GADL1: variants seen among roughly 807,000 people sequenced by gnomAD.
The protein encoded by GADL1 is acidic amino acid decarboxylase GADL1.
A neutral mutation model predicts 69.5 loss-of-function variants in GADL1; 71 were observed. The observed-to-expected ratio is 1.02, with a 90% CI of 0.84 to 1.25. The LOEUF is 1.25. Ranked by LOEUF, GADL1 falls within the 50% of genes most tolerant of loss-of-function variation. GADL1 has a pLI of 0.00. For synonymous variants in GADL1, 254 were observed against 214.4 expected (o/e 1.18, Z -1.62); for missense variants, 737 against 631.8 (o/e 1.17, Z -1.79).
chr3:30,802,703 C>T (rs566473286), intron 11 of GADL1, among the ~76,000 whole-genome samples: 1 of 152,008 alleles, frequency 6.6e-6, no homozygotes, highest in South Asian at 2.1e-4. Flanking sequence ...TAAATATATT[C>T]TATTACAAAA....
intron 14 of GADL1, among the ~76,000 whole-genome samples, chr3:30,754,907 T>C (rs1446269814): frequency 6.7e-6 from 1 of 149,942 alleles, no homozygotes; most frequent in Non-Finnish European, 1.5e-5. Flanking sequence ...TTTTAAATTA[T>C]TCAGTAACTT....
chr3:30,812,530 C>T (rs1697377550), intron 11 of GADL1, among the ~76,000 whole-genome samples: 1 of 152,118 alleles, frequency 6.6e-6, no homozygotes, highest in East Asian at 1.9e-4. Flanking sequence ...ATAAGAATAG[C>T]ATGGGAAAGA....
intron 1 of GADL1, among the ~76,000 whole-genome samples, chr3:30,890,393 T>C (rs1254300765): frequency 2.6e-5 from 4 of 152,092 alleles, no homozygotes; most frequent in African/African-American, 9.7e-5. Flanking sequence ...GAAATAGATA[T>C]ATAGAATTAC....
rs767147995 is a variant in GADL1 at position 30,786,357 on chromosome 3, C to A, written c.1300G>T (p.Glu434Ter). The change falls in exon 13 of 15, where the codon GAA (glutamate) becomes TAA (stop). Residue 434 changes from glutamate to a stop codon, truncating the protein, a stop_gained and splice_region_variant. Transcript: ENST00000282538. LOFTEE classifies it high-confidence loss of function. ...AGCACAATTATGCAATCACTTACTTCCATCAGTAACTTGAATCCTTCTCTT... is the reference window on the plus strand; with the variant it reads ...AGCACAATTATGCAATCACTTACTTACATCAGTAACTTGAATCCTTCTCTT... ...KKREGFKLLM[E>*]PEYANICFWY... 1 of 1,553,504 alleles carries A rather than the reference C, an allele frequency of 6.4e-7. No homozygotes were observed. Among genetic ancestry groups the A allele is most frequent in the South Asian group, 1.1e-5 (1 of 89,604 alleles).
chr3:30,894,534 A>AGG, intron 1 of GADL1, 44 bp downstream of exon 1: 1 of 1,503,632 alleles, frequency 6.7e-7, no homozygotes, highest in East Asian at 2.5e-5. Flanking sequence ...AAACCCAGAC[A>AGG]GGGGAGGTTA....
intron 2 of GADL1, among the ~76,000 whole-genome samples, chr3:30,859,606 C>T (rs1045704002): frequency 6.6e-6 from 1 of 151,922 alleles, no homozygotes; most frequent in Non-Finnish European, 1.5e-5. Context: ...ATAGTTATGA[C>T]TTCTGAAACT....
intron 14 of GADL1, among the ~76,000 whole-genome samples, chr3:30,759,127 C>CTTA (rs1373605284): frequency 1.4e-3 from 209 of 152,228 alleles, no homozygotes; most frequent in Non-Finnish European, 7.6e-4. Context: ...GCTGGCATCT[C>CTTA]GTAAGGCAAA....
intron 14 of GADL1, among the ~76,000 whole-genome samples, chr3:30,770,735 C>A (rs1696397428): frequency 6.6e-6 from 1 of 152,142 alleles, no homozygotes. Context: ...ATGCCAGCTT[C>A]ATTCTTTATT....
At chr3:30,893,093 C>A (rs1369977485) in intron 1 of GADL1, among the ~76,000 whole-genome samples, 1 of 152,138 alleles carries the variant, frequency 6.6e-6, no homozygotes, top group Admixed American at 6.5e-5. Flanking sequence ...TGACCTCAAG[C>A]GATCTGCCCA....
At chr3:30,887,301 G>T (rs922702980) in intron 1 of GADL1, among the ~76,000 whole-genome samples, 1 of 152,200 alleles carries the variant, frequency 6.6e-6, no homozygotes, top group Admixed American at 6.5e-5. Flanking sequence ...CAATGTGGCA[G>T]TACTAAGAGG....
intron 14 of GADL1, among the ~76,000 whole-genome samples, chr3:30,736,395 G>A (rs911393727): frequency 6.6e-6 from 1 of 151,826 alleles, no homozygotes; most frequent in Non-Finnish European, 1.5e-5. Flanking sequence ...TCCTTTGCAG[G>A]GTCCTTATGT....
rs559832509 is a variant in GADL1 at position 30,746,231 on chromosome 3, G to T, written c.1393-17816C>A. 8.7e-4 allele frequency among the ~76,000 whole-genome samples: 133 copies of T among 152,132 alleles called. No individual in the cohort carries two copies. The Middle Eastern group carries it at 0.014, about 16-fold the overall frequency. On this transcript the variant is annotated intron_variant, in intron 14 of 14. Coordinates refer to ENST00000282538, the MANE Select transcript of GADL1 (RefSeq NM_207359.3). ...TCGAGACCTCAAGTGGCCTCAAGAG[G>T]TCTGGCAGGCCACAGCCTCCCAAAG...
chr3:30,879,410 C>G (rs961470753), intron 1 of GADL1, among the ~76,000 whole-genome samples: 22 of 152,024 alleles, frequency 1.4e-4, no homozygotes, highest in African/African-American at 5.3e-4. Context: ...AAAGGCTTTT[C>G]TGAATCATTT....
At chr3:30,779,419 A>C (rs1253268037) in intron 13 of GADL1, among the ~76,000 whole-genome samples, 1 of 152,256 alleles carries the variant, frequency 6.6e-6, no homozygotes, top group Non-Finnish European at 1.5e-5. Flanking sequence ...TTTCATCAAG[A>C]GGAAAGACCC....
chr3:30,806,670 G>A (rs766431945), intron 11 of GADL1, among the ~76,000 whole-genome samples: 11 of 152,210 alleles, frequency 7.2e-5, no homozygotes, highest in Non-Finnish European at 8.8e-5. Context: ...GAGCACAAAC[G>A]AGGGTCATAT....
At position 30,878,583 on chromosome 3, in the gene GADL1, A is replaced by G. The variant is rs1211044381; in HGVS notation, c.37+15995T>C. Among the ~76,000 whole-genome samples, 8 of 151,998 alleles carry G rather than the reference A, an allele frequency of 5.3e-5. No individual in the cohort carries two copies. In the East Asian group the frequency reaches 1.4e-3, roughly 26 times the overall value. On this transcript the variant is annotated intron_variant, in intron 1 of 14. Transcript: ENST00000282538. ...TCTTTTCCCTCTTCATAAAATGCAT[A>G]ACTTATCTACTGAGACTTACTTATC...
intron 12 of GADL1, among the ~76,000 whole-genome samples, chr3:30,793,342 T>C (rs962432177): frequency 1.3e-5 from 2 of 152,010 alleles, no homozygotes; most frequent in African/African-American, 4.8e-5. Flanking sequence ...CCTCGTAACT[T>C]TTTTTTCAAT....
Position 30,888,364 on chromosome 3 carries a change from A to G in GADL1, c.37+6214T>C, listed in dbSNP as rs77873851. Among the ~76,000 whole-genome samples, 2,016 of 152,278 alleles carry G rather than the reference A, an allele frequency of 0.013. 99 individuals carry two copies. In the East Asian group the frequency reaches 0.16, roughly 12 times the overall value. On this transcript the variant is annotated intron_variant, in intron 1 of 14. Transcript: ENST00000282538. The stretch of plus-strand genomic sequence containing the variant: ...TAATATTTGGGTGTTCTATGTGTGC[A>G]TACCTCATAATTCAAAAAAGTTTAA...
chr3:30,793,968 A>G (rs1421643658), intron 12 of GADL1, among the ~76,000 whole-genome samples: 1 of 152,178 alleles, frequency 6.6e-6, no homozygotes, highest in Non-Finnish European at 1.5e-5. Flanking sequence ...TGACTTGTGG[A>G]ATTCATCACA....
Sources: allele counts gnomAD v4.1 joint callset (sites outside exome capture counted in the v4.1 genomes callset), GRCh38; gene constraint gnomAD v4.1.1; transcripts MANE v1.5; gene names NCBI Gene and HGNC (gene_info 2026-07-23, HGNC 2026-07-21).